Variants in FAM234A observed in about 807,000 individuals in gnomAD.
FAM234A encodes the protein family with sequence similarity 234 member A.
A neutral mutation model predicts 49.1 loss-of-function variants in FAM234A; 42 were observed. That is an observed-to-expected ratio of 0.86 (90% confidence interval 0.67 to 1.11). The LOEUF (loss-of-function observed/expected upper bound fraction) is 1.11, where lower values mean the gene tolerates loss of function less well. Ranked by LOEUF, FAM234A falls within the 50% of genes least tolerant of loss-of-function variation. The pLI, the probability that FAM234A is intolerant of heterozygous loss-of-function variation, is 0.00. For synonymous variants in FAM234A, 369 were observed against 316.2 expected, an observed-to-expected ratio of 1.17 and a Z score of -1.77; for missense variants, 815 against 745.2, an observed-to-expected ratio of 1.09 and a Z score of -1.09.
At chr16:240,542 G>A (rs983234756) in intron 1 of FAM234A, among the ~76,000 whole-genome samples, 2 of 143,464 alleles carry the variant, frequency 1.4e-5, no homozygotes, top group Non-Finnish European at 3.0e-5. Flanking sequence ...TGCTCTTGTT[G>A]CCAAGGCTGG....
intron 1 of FAM234A, among the ~76,000 whole-genome samples, chr16:238,947 T>A (rs1047953725): frequency 5.5e-5 from 8 of 145,342 alleles, no homozygotes; most frequent in Non-Finnish European, 1.0e-4. Context: ...CCGGGTGTCA[T>A]GGCACGTGCC....
At chr16:245,459 G>T (rs955368384) in intron 1 of FAM234A, among the ~76,000 whole-genome samples, 1 of 152,222 alleles carries the variant, frequency 6.6e-6, no homozygotes, top group African/African-American at 2.4e-5. Flanking sequence ...GTGCTCTTCA[G>T]TGAACTGCCC....
chr16:246,568 C>T (rs143263021), intron 1 of FAM234A, among the ~76,000 whole-genome samples: 3,598 of 145,836 alleles, frequency 0.025, 67 homozygotes, highest in Non-Finnish European at 0.04. Flanking sequence ...TAAAGGTGCC[C>T]GCCACCACAC....
chr16:262,530 C>T lies in FAM234A; in HGVS notation c.948C>T (p.Thr316=). 1 of 1,608,874 alleles carries T rather than the reference C, an allele frequency of 6.2e-7. No individual in the cohort carries two copies. The highest frequency in any genetic ancestry group is 8.5e-7 in the Non-Finnish European group (1 of 1,177,824). Residue 316 remains threonine, a synonymous_variant, in exon 8 of 13, where the codon ACC becomes ACT. Coordinates refer to ENST00000399932, the MANE Select transcript of FAM234A (RefSeq NM_032039.4). ...DPHWESMLNA[T]TRRMLSHSSG... ...ACTGGGAGAGCATGCTCAATGCCAC[C>T]ACCCGCAGGATGCTTTCCCACAGGT...
downstream of FAM234A, chr16:269,701 G>A (rs569317869): frequency 4.8e-5 from 40 of 831,496 alleles, no homozygotes; most frequent in Admixed American, 1.2e-4. Flanking sequence ...AGTCTCCGGC[G>A]GACAGGGTGC....
chr16:257,068 G>A lies in FAM234A; in HGVS notation c.268+2387G>A, dbSNP rs112967703. On this transcript the variant is annotated intron_variant, in intron 3 of 12. Transcript: ENST00000399932. The stretch of plus-strand genomic sequence containing the variant: ...TAACTTTTGTATTTTTAGTAGATGC[G>A]AGGTTTCACCATGTTGGCCAGGCTG... Among the ~76,000 whole-genome samples the A allele has an allele frequency of 0.011, 1,686 of 151,922 alleles. 45 individuals are homozygous for A. In the East Asian group the frequency reaches 0.11, roughly 10 times the overall value.
intron 3 of FAM234A, 28 bp downstream of exon 3, chr16:254,709 G>T: frequency 1.9e-6 from 3 of 1,608,204 alleles, no homozygotes; most frequent in Non-Finnish European, 2.5e-6. Context: ...CGCCCAGTGG[G>T]GTCCAAAGCA....
intron 2 of FAM234A, among the ~76,000 whole-genome samples, chr16:252,018 AAAAG>A (rs2051035289): frequency 7.0e-6 from 1 of 142,314 alleles, no homozygotes; most frequent in Non-Finnish European, 1.5e-5. Context: ...AAAAAAAAAA[AAAAG>A]AGATGGGTCT....
downstream of FAM234A, chr16:269,804 C>A (rs767071051): frequency 7.4e-6 from 4 of 539,128 alleles, no homozygotes; most frequent in Non-Finnish European, 1.3e-5. Context: ...CAAAAAATGG[C>A]AAGAGCCCTG....
intron 1 of FAM234A, among the ~76,000 whole-genome samples, chr16:245,424 T>G (rs1166378576): frequency 2.0e-5 from 3 of 152,162 alleles, no homozygotes; most frequent in Non-Finnish European, 4.4e-5. Flanking sequence ...TGAGTGTGTT[T>G]CCCCTGGGCA....
intron 2 of FAM234A, 92 bp from the exon 3 acceptor site, chr16:254,289 C>T: frequency 9.9e-7 from 1 of 1,010,848 alleles, no homozygotes. Context: ...TGCAGCCAGT[C>T]CCCAAGAAGC....
At position 254,478 on chromosome 16, in the gene FAM234A, A is replaced by G. The variant is rs1371057106; in HGVS notation, c.65A>G (p.Gln22Arg). Residue 22 changes from glutamine to arginine, a missense_variant, in exon 3 of 13, where the codon CAG becomes CGG. Transcript: ENST00000399932. ...HPLKNEERKS[Q>R]ENLGNPSKNE... is the part of the protein sequence containing the mutation. ...TTGAAAAATGAAGAAAGAAAATCGC[A>G]GGAAAATCTGGGAAATCCATCAAAA... The G allele has an allele frequency of 1.2e-6, 2 of 1,614,240 alleles. No individual in the cohort carries two copies. Among genetic ancestry groups the G allele is most frequent in the Admixed American group, 3.3e-5 (2 of 60,028 alleles).
chr16:237,163 C>T (rs1421385245), intron 1 of FAM234A, among the ~76,000 whole-genome samples: 2 of 152,078 alleles, frequency 1.3e-5, no homozygotes, highest in African/African-American at 2.4e-5. Context: ...GCCTTGGCCT[C>T]GCAAAGTGTT....
intron 1 of FAM234A, among the ~76,000 whole-genome samples, chr16:247,818 C>A (rs912973571): frequency 2.0e-5 from 3 of 152,040 alleles, no homozygotes; most frequent in Non-Finnish European, 4.4e-5. Flanking sequence ...CAACGGCTGG[C>A]TCGGTTTTAG....
chr16:247,054 C>T (rs1388767885), intron 1 of FAM234A: 1 of 151,666 alleles, frequency 6.6e-6, no homozygotes, highest in African/African-American at 2.4e-5. Context: ...ATTACAGGCG[C>T]AAACCACCAC....
downstream of FAM234A, among the ~76,000 whole-genome samples, chr16:267,262 C>T (rs1014052973): frequency 2.0e-5 from 3 of 152,006 alleles, no homozygotes; most frequent in African/African-American, 7.3e-5. Flanking sequence ...GCAGGCGTCC[C>T]CACACACTAC....
chr16:266,456 C>T (rs182608937), downstream of FAM234A, among the ~76,000 whole-genome samples: 190 of 152,242 alleles, frequency 1.2e-3, 1 homozygote, highest in Middle Eastern at 0.014. Context: ...ATGGTAGGGC[C>T]GGGGTGAGCT....
rs796314222 is a variant in FAM234A at position 247,326 on chromosome 16, C to G, written c.-139-2223C>G. Among the ~76,000 whole-genome samples, 6 of 151,508 alleles carry G rather than the reference C, an allele frequency of 4.0e-5. No individual in the cohort carries two copies. The East Asian group carries it at 9.7e-4, about 25-fold the overall frequency. Reference sequence around the variant, plus strand: ...TTTTTTCTTTCTTTTTAGAAACGGTCTCACCGTGTTGCCCAGGCTGGTCTT... The same window carrying G: ...TTTTTTCTTTCTTTTTAGAAACGGTGTCACCGTGTTGCCCAGGCTGGTCTT... On this transcript the variant is annotated intron_variant, in intron 1 of 12. Coordinates refer to ENST00000399932, the MANE Select transcript of FAM234A (RefSeq NM_032039.4).
At chr16:234,943 G>A (rs1171404739) in intron 1 of FAM234A, 86 bp downstream of exon 1, 1 of 152,370 alleles carries the variant, frequency 6.6e-6, no homozygotes, top group African/African-American at 2.4e-5. Context: ...CGGCCCCCAG[G>A]TTCCCCAGTC....
Sources: gnomAD v4.1 joint callset for allele counts (sites outside exome capture counted in the v4.1 genomes callset) on GRCh38, gnomAD v4.1.1 for gene constraint, MANE v1.5 for transcripts, NCBI Gene and HGNC (gene_info 2026-07-23, HGNC 2026-07-21) for gene names.